TIMM17B: variants seen among roughly 807,000 people sequenced by gnomAD.
TIMM17B encodes mitochondrial import inner membrane translocase subunit Tim17-B.
TIMM17B carries 10 observed loss-of-function variants against 15.9 expected under a neutral mutation model. That is an observed-to-expected ratio of 0.63 (90% confidence interval 0.39 to 1.06). The LOEUF is 1.06. Among genes scored for constraint, TIMM17B ranks in the 50% least tolerant of loss-of-function variants. TIMM17B has a pLI of 0.01. For missense variants in TIMM17B, 114 were observed against 152.2 expected (o/e 0.75, Z 1.32); for synonymous variants, 57 against 57.2 (o/e 1.00, Z 0.02).
intron 2 of TIMM17B, chrX:48,897,371 A>G: frequency 3.8e-6 from 1 of 264,624 alleles, no homozygotes; most frequent in Non-Finnish European, 6.7e-6. Flanking sequence ...CCCCCCACTG[A>G]CAAAGGCGAC....
chrX:48,897,069 T>A (rs2063320577), intron 2 of TIMM17B: 14 of 856,490 alleles, frequency 1.6e-5, no homozygotes. Flanking sequence ...GGGAGAAATA[T>A]TAGTCTTCGC....
chrX:48,897,279 G>T, intron 2 of TIMM17B: 1 of 214,376 alleles, frequency 4.7e-6, no homozygotes, highest in Non-Finnish European at 8.5e-6. Context: ...TTTTCAATCC[G>T]GCACAACTGG....
rs1479561868 is a variant in TIMM17B, at chrX:48,897,573, G to A, written c.26+151C>T. 4 of 490,776 alleles carry A rather than the reference G, an allele frequency of 8.2e-6. No homozygotes were observed. The African/African-American group carries it at 9.4e-5, about 11-fold the overall frequency. 40.4% of individuals were successfully genotyped at this position (490,776 alleles called of 1,213,427 possible). A position where few individuals can be genotyped will look rare whatever the true frequency, so the allele number is the denominator to read the frequency against. On this transcript the variant is annotated intron_variant, in intron 2 of 6. Coordinates refer to ENST00000376582, the Ensembl canonical transcript of TIMM17B. ...TGGCCCCTCATAACGGAGCCCGAAT[G>A]ACAGGAACCGAGTGGGGGTAGCGGG...
At chrX:48,897,652 T>TC in intron 2 of TIMM17B, 72 bp downstream of exon 1, 24 of 943,151 alleles carry the variant, frequency 2.5e-5, no homozygotes, top group Non-Finnish European at 3.3e-5. Context: ...GGCCGATGCC[T>TC]CCCCCGCCCG....
chrX:48,897,547 G>T, intron 2 of TIMM17B, 177 bp downstream of exon 1: 1 of 458,725 alleles, frequency 2.2e-6, no homozygotes, highest in Non-Finnish European at 3.8e-6. Flanking sequence ...TTCTCTGGTT[G>T]TGGCCCCTCA....
intron 2 of TIMM17B, 114 bp from the exon 2 acceptor site, chrX:48,896,972 A>G: frequency 8.8e-7 from 1 of 1,134,698 alleles, no homozygotes; most frequent in African/African-American, 1.8e-5. Context: ...GTTCCTAAGT[A>G]GGAACAAACA....
chrX:48,895,638 T>G, intron 3 of TIMM17B: 1 of 434,649 alleles, frequency 2.3e-6, no homozygotes, highest in Non-Finnish European at 4.0e-6. Context: ...GTTCCAGGAG[T>G]CTAGGGGAGG....
At chrX:48,896,707 T>G in intron 3 of TIMM17B, 52 bp downstream of exon 2, 1 of 1,205,573 alleles carries the variant, frequency 8.3e-7, no homozygotes, top group Admixed American at 2.2e-5. Flanking sequence ...GCAGCCTCCC[T>G]TGTGGGCAAG....
rs1280245601 is a variant in TIMM17B, at chrX:48,897,914, C to T, written c.-72-93G>A. 4.4e-6 allele frequency: 4 copies of T among 903,229 alleles called. No homozygotes were observed. In the East Asian group the frequency reaches 1.4e-4, roughly 31 times the overall value. The allele number at this position is 903,229 out of a possible 1,213,427, so 74.4% of individuals were successfully genotyped here. On this transcript the variant is annotated intron_variant, in intron 1 of 6. Transcript: ENST00000376582. ...TCGAGTTTCTGCCATTTGTTCATTG[C>T]CTCCTGAGCGTAGTCCAGTTACTTT...
intron 3 of TIMM17B, 75 bp from the exon 3 acceptor site, chrX:48,895,176 G>A (rs1219684917): frequency 3.5e-6 from 3 of 863,681 alleles, no homozygotes; most frequent in East Asian, 3.4e-5. Context: ...TTAAGAGAGG[G>A]AAGAAGATGG....
At chrX:48,896,990 T>C (rs1306490800) in intron 2 of TIMM17B, 132 bp from the exon 2 acceptor site, 7 of 1,108,146 alleles carry the variant, frequency 6.3e-6, no homozygotes, top group Non-Finnish European at 8.3e-6. Context: ...ACACTTCAGA[T>C]AATAATGAGC....
chrX:48,893,864 G>T, intron 6 of TIMM17B, 36 bp downstream of exon 5: 1 of 1,184,603 alleles, frequency 8.4e-7, no homozygotes, highest in Non-Finnish European at 1.1e-6. Context: ...AGGCCAGGTG[G>T]AGTATTTCCC....
intron 3 of TIMM17B, chrX:48,895,757 G>T (rs1159296697): frequency 4.3e-5 from 13 of 300,818 alleles, no homozygotes; most frequent in African/African-American, 2.9e-4. Context: ...AAAGAATTAT[G>T]TTAAAAGAAT....
intron 3 of TIMM17B, 39 bp downstream of exon 2, chrX:48,896,720 A>C: frequency 2.5e-6 from 3 of 1,209,127 alleles, no homozygotes; most frequent in Non-Finnish European, 3.4e-6. Flanking sequence ...TGGGCAAGAT[A>C]GCTAACCCCA....
chrX:48,896,956 T>A (rs2063319115), intron 2 of TIMM17B, 98 bp from the exon 2 acceptor site: 1 of 1,157,700 alleles, frequency 8.6e-7, no homozygotes, highest in Non-Finnish European at 1.2e-6. Flanking sequence ...GTCACCAGAA[T>A]GGGAAGTTCC....
exon 7 of TIMM17B, chrX:48,893,518 C>T (rs1291888992): frequency 2.7e-6 from 1 of 374,267 alleles, no homozygotes; most frequent in Non-Finnish European, 4.6e-6. Context: ...GAACTTCGTA[C>T]ATGTGAGTGT....
chrX:48,895,211 T>C, intron 3 of TIMM17B, 110 bp from the exon 3 acceptor site: 1 of 686,788 alleles, frequency 1.5e-6, no homozygotes, highest in Non-Finnish European at 2.2e-6. Flanking sequence ...GTATGAGCTG[T>C]AGAGATGTGG....
chrX:48,895,059 T>A (rs1569509184), exon 4 of TIMM17B: 1 of 1,201,927 alleles, frequency 8.3e-7, no homozygotes, highest in East Asian at 3.0e-5. Context: ...GGGGCTCGGA[T>A]CCTCACAGCA....
intron 3 of TIMM17B, chrX:48,896,493 T>G: frequency 2.4e-6 from 1 of 423,437 alleles, no homozygotes. Context: ...TGCACATACA[T>G]TTAAAATTTG....
Sources: gnomAD v4.1 joint callset for allele counts on GRCh38, gnomAD v4.1.1 for gene constraint, MANE v1.5 for transcripts, NCBI Gene and HGNC (gene_info 2026-07-23, HGNC 2026-07-21) for gene names.